Variants in KLHL1 observed in about 807,000 individuals in gnomAD.
The protein encoded by KLHL1 is kelch-like protein 1.
KLHL1 carries 47 observed loss-of-function variants against 77.7 expected under a neutral mutation model. The ratio of observed to expected loss-of-function variants is 0.60; its 90% CI spans 0.48 to 0.77. The LOEUF is 0.77. Ranked by LOEUF, KLHL1 falls within the 30% of genes least tolerant of loss-of-function variation. The pLI is 0.00. For missense variants in KLHL1, 925 were observed against 910.8 expected, an observed-to-expected ratio of 1.02 and a Z score of -0.20; for synonymous variants, 360 against 325.2, an observed-to-expected ratio of 1.11 and a Z score of -1.15.
At chr13:70,078,630 T>C (rs931859548) in intron 1 of KLHL1, among the ~76,000 whole-genome samples, 2 of 152,126 alleles carry the variant, frequency 1.3e-5, no homozygotes, top group Admixed American at 1.3e-4. Context: ...TTTGAGAGTC[T>C]TAGCCTCTTT....
chr13:70,014,522 C>G (rs113410692), intron 1 of KLHL1, among the ~76,000 whole-genome samples: 6 of 151,050 alleles, frequency 4.0e-5, no homozygotes, highest in African/African-American at 1.5e-4. Context: ...TTAAGAAAAT[C>G]ATCACTGAGT....
chr13:69,879,224 G>T (rs978221360), intron 5 of KLHL1, among the ~76,000 whole-genome samples: 4 of 151,940 alleles, frequency 2.6e-5, no homozygotes, highest in Admixed American at 6.6e-5. Context: ...ATATATAAAA[G>T]AAATTATGTG....
chr13:69,784,015 C>G (rs1200206094), intron 7 of KLHL1, among the ~76,000 whole-genome samples: 2 of 152,258 alleles, frequency 1.3e-5, no homozygotes, highest in South Asian at 4.1e-4. Flanking sequence ...CCAGAAGAGA[C>G]TGGGGGCCAA....
intron 7 of KLHL1, among the ~76,000 whole-genome samples, chr13:69,778,717 A>AGAAT (rs747055881): frequency 1.3e-5 from 2 of 151,858 alleles, no homozygotes; most frequent in Admixed American, 1.3e-4. Flanking sequence ...TATTTGTAAG[A>AGAAT]GAATGTTTGC....
chr13:70,059,937 A>G (rs1886837728), intron 1 of KLHL1, among the ~76,000 whole-genome samples: 1 of 152,194 alleles, frequency 6.6e-6, no homozygotes, highest in Non-Finnish European at 1.5e-5. Flanking sequence ...CCCATAAGCC[A>G]ATCACAACCC....
At chr13:69,736,362 A>G (rs1873760922) in intron 8 of KLHL1, among the ~76,000 whole-genome samples, 1 of 152,152 alleles carries the variant, frequency 6.6e-6, no homozygotes, top group South Asian at 2.1e-4. Context: ...TCTTGCAAGA[A>G]TGGTCATAAT....
intron 7 of KLHL1, among the ~76,000 whole-genome samples, chr13:69,775,918 C>T (rs1001280158): frequency 4.0e-5 from 6 of 151,566 alleles, no homozygotes; most frequent in Admixed American, 2.0e-4. Context: ...TTTGAGAGGC[C>T]GAGGCGGGAG....
At position 69,839,167 on chromosome 13, in the gene KLHL1, G is replaced by A. The variant is rs750000152; in HGVS notation, c.1228-5C>T. The A allele has an allele frequency of 1.3e-6, 2 of 1,567,164 alleles. No homozygotes were observed. Among genetic ancestry groups the A allele is most frequent in the East Asian group, 2.3e-5 (1 of 44,192 alleles). On this transcript the variant is annotated splice_polypyrimidine_tract_variant and splice_region_variant and intron_variant, in intron 5 of 10. Coordinates refer to ENST00000377844, the MANE Select transcript of KLHL1 (RefSeq NM_020866.3). ...ATTTTCTAGGTCAGCCAATATCTGT[G>A]AATAATACACAATAGCTGTTAATAA...
At chr13:69,911,422 A>G (rs1286081104) in intron 4 of KLHL1, among the ~76,000 whole-genome samples, 1 of 152,048 alleles carries the variant, frequency 6.6e-6, no homozygotes, top group African/African-American at 2.4e-5. Context: ...ACATTCTTCC[A>G]GATATGAAAT....
At chr13:69,703,403 C>T (rs1370892706) in intron 10 of KLHL1, among the ~76,000 whole-genome samples, 1 of 149,526 alleles carries the variant, frequency 6.7e-6, no homozygotes, top group Admixed American at 6.7e-5. Context: ...GTAACTATTA[C>T]TATAAAAGAG....
chr13:69,845,039 C>A (rs1441696842), intron 5 of KLHL1, among the ~76,000 whole-genome samples: 1 of 151,654 alleles, frequency 6.6e-6, no homozygotes, highest in Non-Finnish European at 1.5e-5. Context: ...CCCTTCAACA[C>A]TTGCTTCAAG....
chr13:69,703,208 A>G (rs1021326682), intron 10 of KLHL1, among the ~76,000 whole-genome samples: 3 of 151,618 alleles, frequency 2.0e-5, no homozygotes, highest in African/African-American at 7.2e-5. Context: ...GAGCTGAAAA[A>G]TTCCATCGTC....
At chr13:69,901,751 G>T (rs1436480689) in intron 4 of KLHL1, among the ~76,000 whole-genome samples, 1 of 150,214 alleles carries the variant, frequency 6.7e-6, no homozygotes, top group African/African-American at 2.4e-5. Context: ...TTAACATATT[G>T]TGGAGCACAA....
chr13:69,750,792 T>C (rs1052924081), intron 7 of KLHL1, among the ~76,000 whole-genome samples: 3 of 152,098 alleles, frequency 2.0e-5, no homozygotes, highest in Non-Finnish European at 4.4e-5. Flanking sequence ...ATGTAATTTA[T>C]AGCATTTAGA....
chr13:69,770,803 T>C (rs1875526738), intron 7 of KLHL1, among the ~76,000 whole-genome samples: 1 of 152,166 alleles, frequency 6.6e-6, no homozygotes, highest in East Asian at 1.9e-4. Context: ...GACTGGAATG[T>C]AGTGGCACGA....
intron 7 of KLHL1, among the ~76,000 whole-genome samples, chr13:69,782,728 CT>C (rs1024857472): frequency 2.6e-5 from 4 of 152,212 alleles, no homozygotes; most frequent in Admixed American, 2.6e-4. Context: ...GGCTCCACCT[CT>C]GGGGGCAGGG....
At chr13:69,881,034 C>T (rs1005837876) in intron 5 of KLHL1, among the ~76,000 whole-genome samples, 3 of 152,094 alleles carry the variant, frequency 2.0e-5, no homozygotes, top group African/African-American at 4.8e-5. Flanking sequence ...GGGAGATTTG[C>T]AAAAATTCAG....
At chr13:70,081,202 A>C (rs1378062276) in intron 1 of KLHL1, among the ~76,000 whole-genome samples, 1 of 152,130 alleles carries the variant, frequency 6.6e-6, no homozygotes, top group East Asian at 1.9e-4. Flanking sequence ...AACTGCTTCA[A>C]CTCTAGGTAA....
At chr13:69,958,431 TAA>T (rs1350179155) in intron 3 of KLHL1, among the ~76,000 whole-genome samples, 14 of 150,274 alleles carry the variant, frequency 9.3e-5, no homozygotes, top group African/African-American at 3.0e-4. Flanking sequence ...TAAAATTCTA[TAA>T]AAGTTATTTT....
Sources: allele counts gnomAD v4.1 joint callset (sites outside exome capture counted in the v4.1 genomes callset), GRCh38; gene constraint gnomAD v4.1.1; transcripts MANE v1.5; gene names NCBI Gene and HGNC (gene_info 2026-07-23, HGNC 2026-07-21).